Variants in UBE2W observed in about 807,000 individuals in gnomAD.
The protein encoded by UBE2W is ubiquitin-conjugating enzyme E2 W.
UBE2W carries 18 observed loss-of-function variants against 27.2 expected under a neutral mutation model. The ratio of observed to expected loss-of-function variants is 0.66; its 90% CI spans 0.46 to 0.98. The LOEUF is 0.98. Ranked by LOEUF, UBE2W falls within the 50% of genes least tolerant of loss-of-function variation. The pLI, the probability that UBE2W is intolerant of heterozygous loss-of-function variation, is 0.00. For missense variants in UBE2W, 90 were observed against 180.2 expected (o/e 0.50, Z 2.87); for synonymous variants, 53 against 57.2 (o/e 0.93, Z 0.33).
downstream of UBE2W, chr8:73,786,134 T>G (rs2130828093): frequency 1.2e-6 from 1 of 811,102 alleles, no homozygotes; most frequent in Non-Finnish European, 1.5e-6. Context: ...TGAGATGTAT[T>G]TAGTTTAAAA....
chr8:73,870,378 G>A (rs1286907230), intron 1 of UBE2W: 6 of 1,386,446 alleles, frequency 4.3e-6, no homozygotes, highest in Non-Finnish European at 5.9e-6. Flanking sequence ...AGCTAGTGCA[G>A]GGACTAGAAA....
chr8:73,813,643 ATG>A (rs1380961980), intron 3 of UBE2W, among the ~76,000 whole-genome samples: 3 of 115,054 alleles, frequency 2.6e-5, no homozygotes, highest in African/African-American at 1.1e-4. Context: ...GTGAATTTAC[ATG>A]CCAGAGGTGA....
chr8:73,850,950 C>T (rs1022151358), intron 1 of UBE2W, among the ~76,000 whole-genome samples: 7 of 151,922 alleles, frequency 4.6e-5, no homozygotes, highest in African/African-American at 1.7e-4. Context: ...ACCTCTGCTT[C>T]CTGGGCTCAG....
intron 1 of UBE2W, among the ~76,000 whole-genome samples, chr8:73,869,137 CATT>C (rs1586550410): frequency 6.6e-6 from 1 of 152,202 alleles, no homozygotes; most frequent in East Asian, 1.9e-4. Context: ...ACCTCAGAAA[CATT>C]ATGAACTGGG....
rs1235973715 is a variant in UBE2W at position 73,844,985 on chromosome 8, G to A, written c.16-14513C>T. Among the ~76,000 whole-genome samples, 10 of 118,820 alleles carry A rather than the reference G, an allele frequency of 8.4e-5. 1 individual carries two copies. The highest frequency in any genetic ancestry group is 1.8e-4 in the African/African-American group (6 of 34,258). The allele number at this position is 118,820 out of a possible 152,430, so 78.0% of individuals were successfully genotyped here. ...CGTCTGGGAAGCGAGGAGCGTCTCCGCCCTGCAGCCGCCCCGTCCAGGAGG... is the reference window on the plus strand; with the variant it reads ...CGTCTGGGAAGCGAGGAGCGTCTCCACCCTGCAGCCGCCCCGTCCAGGAGG... On this transcript the variant is annotated intron_variant, in intron 1 of 5. Coordinates refer to ENST00000602593, the MANE Select transcript of UBE2W (RefSeq NM_018299.6).
rs1808084470 is a variant in UBE2W, at chr8:73,789,169, C to G, written c.*4933G>C. 1.0e-6 allele frequency: 1 copy of G among 984,714 alleles called. No individual in the cohort carries two copies. Among genetic ancestry groups the G allele is most frequent in the African/African-American group, 1.8e-5 (1 of 57,040 alleles). The allele number at this position is 984,714 out of a possible 1,614,324, so 61.0% of individuals were successfully genotyped here. A position where few individuals can be genotyped will look rare whatever the true frequency, so the allele number is the denominator to read the frequency against. On this transcript the variant is annotated 3_prime_UTR_variant, in exon 6 of 6. Coordinates refer to ENST00000602593, the MANE Select transcript of UBE2W (RefSeq NM_018299.6). Reference sequence around the variant, plus strand: ...TCTAATGATAATGATGTACATAAACCTGTCTTAAATCGGCAAACAGACGAG... The same window carrying G: ...TCTAATGATAATGATGTACATAAACGTGTCTTAAATCGGCAAACAGACGAG...
chr8:73,865,828 C>T lies in UBE2W; in HGVS notation c.15+12980G>A, dbSNP rs537312006. ...TTAAATTTTATCTTATGGACTATCTCTAATCATAAAATGCAGCAATATTTA... is the reference window on the plus strand; with the variant it reads ...TTAAATTTTATCTTATGGACTATCTTTAATCATAAAATGCAGCAATATTTA... On this transcript the variant is annotated intron_variant, in intron 1 of 5. Coordinates refer to ENST00000602593, the MANE Select transcript of UBE2W (RefSeq NM_018299.6). 2.0e-5 allele frequency among the ~76,000 whole-genome samples: 3 copies of T among 152,170 alleles called. 1 individual carries two copies. In the South Asian group the frequency reaches 6.2e-4, roughly 32 times the overall value.
At chr8:73,830,794 TA>T (rs1810035300) in intron 1 of UBE2W, among the ~76,000 whole-genome samples, 4 of 152,064 alleles carry the variant, frequency 2.6e-5, no homozygotes, top group African/African-American at 7.2e-5. Context: ...CCTGCACTTT[TA>T]AAAAAACAAC....
chr8:73,844,541 G>A (rs1317347938), intron 1 of UBE2W, among the ~76,000 whole-genome samples: 3 of 152,186 alleles, frequency 2.0e-5, no homozygotes, highest in South Asian at 2.1e-4. Flanking sequence ...CCAAAGTGCC[G>A]AGATTGCAGC....
chr8:73,829,815 T>C (rs1809999524), intron 2 of UBE2W, among the ~76,000 whole-genome samples: 1 of 152,200 alleles, frequency 6.6e-6, no homozygotes. Context: ...TTTTATCTTA[T>C]TGGCCACTTT....
chr8:73,856,408 A>G (rs893297707), intron 1 of UBE2W, among the ~76,000 whole-genome samples: 13 of 114,464 alleles, frequency 1.1e-4, no homozygotes, highest in African/African-American at 4.3e-4. Context: ...TCTGTCACCC[A>G]GGCTGGAGTG....
At position 73,866,206 on chromosome 8, in the gene UBE2W, G is replaced by A. The variant is rs1001125620; in HGVS notation, c.15+12602C>T. Among the ~76,000 whole-genome samples the A allele has an allele frequency of 8.8e-5, 13 of 146,922 alleles. 1 individual carries two copies. The highest frequency in any genetic ancestry group is 3.2e-4 in the African/African-American group (13 of 40,008). On this transcript the variant is annotated intron_variant, in intron 1 of 5. Transcript: ENST00000602593. ...GAATTGCTTGAACCCGGGGGGTGGA[G>A]GTTGCAGTGACCCAAGATTGTGCCA...
intron 3 of UBE2W, among the ~76,000 whole-genome samples, chr8:73,813,739 T>TTC (rs1257078129): frequency 6.8e-6 from 1 of 146,024 alleles, no homozygotes; most frequent in African/African-American, 2.8e-5. Context: ...TAAGCATAGT[T>TTC]TCCACAGATG....
At chr8:73,858,758 T>C (rs1487676152) in intron 1 of UBE2W, among the ~76,000 whole-genome samples, 2 of 151,862 alleles carry the variant, frequency 1.3e-5, no homozygotes, top group African/African-American at 4.8e-5. Context: ...GGGTAGTCCT[T>C]TCCAAGCCAT....
At chr8:73,823,846 T>A (rs896990235) in intron 3 of UBE2W, among the ~76,000 whole-genome samples, 1 of 152,216 alleles carries the variant, frequency 6.6e-6, no homozygotes. Context: ...TATAGCATGA[T>A]ACAATAACTG....
intron 5 of UBE2W, among the ~76,000 whole-genome samples, chr8:73,798,449 C>T (rs953210084): frequency 3.9e-5 from 6 of 152,062 alleles, no homozygotes; most frequent in African/African-American, 1.2e-4. Context: ...AAATTGAAAC[C>T]CAAAACACTT....
At chr8:73,829,438 A>C (rs943944647) in intron 2 of UBE2W, among the ~76,000 whole-genome samples, 1 of 152,110 alleles carries the variant, frequency 6.6e-6, no homozygotes, top group Non-Finnish European at 1.5e-5. Flanking sequence ...AACAAATGCC[A>C]CTCTAAATGT....
At chr8:73,783,639 C>T (rs560542777), downstream of UBE2W, among the ~76,000 whole-genome samples, 1 of 152,334 alleles carries the variant, frequency 6.6e-6, no homozygotes, top group Admixed American at 6.5e-5. Flanking sequence ...ATCCCCACAT[C>T]CCCAGCTCTG....
downstream of UBE2W, chr8:73,786,210 CA>C: frequency 1.0e-6 from 1 of 985,248 alleles, no homozygotes; most frequent in Non-Finnish European, 1.2e-6. Context: ...TAAAAAAAGC[CA>C]AAACCAATGA....
Sources: allele counts gnomAD v4.1 joint callset (sites outside exome capture counted in the v4.1 genomes callset), GRCh38; gene constraint gnomAD v4.1.1; transcripts MANE v1.5; gene names NCBI Gene and HGNC (gene_info 2026-07-23, HGNC 2026-07-21).